Variants in SLC15A5 observed in about 807,000 individuals in gnomAD.
The protein encoded by SLC15A5 is Peptide/histidine transporter ENSP00000340402.
A neutral mutation model predicts 56.1 loss-of-function variants in SLC15A5; 58 were observed. The ratio of observed to expected loss-of-function variants is 1.03; its 90% CI spans 0.84 to 1.29. The LOEUF (loss-of-function observed/expected upper bound fraction) is 1.29. Ranked by LOEUF, SLC15A5 falls within the 50% of genes most tolerant of loss-of-function variation. The pLI is 0.00. For synonymous variants in SLC15A5, 264 were observed against 250.5 expected, an observed-to-expected ratio of 1.05 and a Z score of -0.51; for missense variants, 681 against 672.1, an observed-to-expected ratio of 1.01 and a Z score of -0.15.
At chr12:16,258,981 CTTCTTTTTCTTTTTTTTTTT>C (rs1201745099) in intron 2 of SLC15A5, among the ~76,000 whole-genome samples, 4 of 89,838 alleles carry the variant, frequency 4.5e-5, no homozygotes, top group African/African-American at 1.6e-4. Context: ...TCTGCCACAT[CTTCTTTTTCTTTTTTTTTTT>C]TTCTTTTTCT....
intron 2 of SLC15A5, among the ~76,000 whole-genome samples, chr12:16,268,567 C>T (rs537484825): frequency 2.0e-4 from 31 of 152,202 alleles, no homozygotes; most frequent in African/African-American, 5.8e-4. Flanking sequence ...TATGATTTTA[C>T]GATTGAAGAG....
chr12:16,227,088 A>G (rs1348626105), intron 5 of SLC15A5, among the ~76,000 whole-genome samples: 1 of 152,174 alleles, frequency 6.6e-6, no homozygotes, highest in Non-Finnish European at 1.5e-5. Flanking sequence ...AGGGTCCCCA[A>G]GAAATCAAAG....
At chr12:16,238,495 T>A (rs1236930667) in intron 5 of SLC15A5, among the ~76,000 whole-genome samples, 1 of 151,830 alleles carries the variant, frequency 6.6e-6, no homozygotes, top group Non-Finnish European at 1.5e-5. Context: ...CCAGGCGTGG[T>A]GGTGGGCACT....
rs367796142 is a variant in SLC15A5, at chr12:16,206,416, T to C, written c.1483+10477A>G. Among the ~76,000 whole-genome samples, 59 of 152,362 alleles carry C rather than the reference T, an allele frequency of 3.9e-4. 1 individual carries two copies. The East Asian group carries it at 4.4e-3, about 11-fold the overall frequency. ...CCTGATTTAAATGCTTCATTTGAGATTCATAGCTCTCCTACCTGAGTTAAT... is the reference window on the plus strand; with the variant it reads ...CCTGATTTAAATGCTTCATTTGAGACTCATAGCTCTCCTACCTGAGTTAAT... On this transcript the variant is annotated intron_variant, in intron 7 of 8. Coordinates refer to ENST00000344941, the MANE Select transcript of SLC15A5 (RefSeq NM_001170798.1).
intron 1 of SLC15A5, among the ~76,000 whole-genome samples, chr12:16,275,068 G>A (rs1413564076): frequency 2.0e-5 from 3 of 152,050 alleles, no homozygotes; most frequent in African/African-American, 7.2e-5. Flanking sequence ...GAAATGTTGA[G>A]TCCATCAGAG....
chr12:16,270,403 T>A (rs889614456), intron 2 of SLC15A5, among the ~76,000 whole-genome samples: 4 of 152,140 alleles, frequency 2.6e-5, no homozygotes, highest in Non-Finnish European at 1.5e-5. Context: ...TATTTACCAG[T>A]CTTGTAATTT....
intron 8 of SLC15A5, among the ~76,000 whole-genome samples, chr12:16,190,384 A>T (rs995977687): frequency 1.3e-5 from 2 of 152,156 alleles, no homozygotes; most frequent in African/African-American, 4.8e-5. Flanking sequence ...AGGTTCATAG[A>T]AATAGTAGTT....
intron 2 of SLC15A5, among the ~76,000 whole-genome samples, chr12:16,260,633 T>G (rs902003185): frequency 6.6e-6 from 1 of 152,098 alleles, no homozygotes; most frequent in African/African-American, 2.4e-5. Flanking sequence ...CAATGATATC[T>G]TTTGATAAGA....
chr12:16,239,765 G>C lies in SLC15A5; in HGVS notation c.1078C>G (p.Leu360Val), dbSNP rs769542598. 111 of 1,537,182 alleles carry C rather than the reference G, an allele frequency of 7.2e-5. No homozygotes were observed. The highest frequency in any genetic ancestry group is 8.8e-5 in the Non-Finnish European group (101 of 1,146,908). Residue 360 changes from leucine to valine, a missense_variant, in exon 5 of 9, where the codon CTA becomes GTA. Coordinates refer to ENST00000344941, the MANE Select transcript of SLC15A5 (RefSeq NM_001170798.1). The stretch of plus-strand genomic sequence containing the variant: ...TACTCCAGAAAAGGAGCCAGAATTA[G>C]TAATGGTAGGCTGCTGATGGCATTC... Reference protein sequence around the residue: ...VMNAISSLPLLILAPFLEYFS... With the variant: ...VMNAISSLPLVILAPFLEYFS...
intron 2 of SLC15A5, among the ~76,000 whole-genome samples, chr12:16,259,023 CCTTT>C (rs1864611050): frequency 2.1e-5 from 1 of 48,270 alleles, no homozygotes; most frequent in Non-Finnish European, 3.8e-5. Flanking sequence ...TTCTTTCTTT[CCTTT>C]TTTTTTTTTT....
intron 6 of SLC15A5, among the ~76,000 whole-genome samples, chr12:16,223,238 T>G (rs558555035): frequency 6.6e-6 from 1 of 152,238 alleles, no homozygotes; most frequent in Admixed American, 6.5e-5. Context: ...GAATTGTTAT[T>G]TAGGATGATT....
intron 1 of SLC15A5, among the ~76,000 whole-genome samples, chr12:16,276,467 C>T (rs1230875834): frequency 1.3e-5 from 2 of 151,974 alleles, no homozygotes; most frequent in Non-Finnish European, 2.9e-5. Context: ...CAGCTTTTCA[C>T]TTGTTCTCTC....
At chr12:16,263,152 C>T (rs1050465796) in intron 2 of SLC15A5, among the ~76,000 whole-genome samples, 2 of 152,070 alleles carry the variant, frequency 1.3e-5, no homozygotes, top group Non-Finnish European at 2.9e-5. Context: ...TTTGGAATGC[C>T]CTGGAGACTT....
intron 7 of SLC15A5, among the ~76,000 whole-genome samples, chr12:16,197,629 C>T: frequency 6.6e-6 from 1 of 152,080 alleles, no homozygotes; most frequent in Non-Finnish European, 1.5e-5. Flanking sequence ...AGAGGAGGCA[C>T]TCCACAAACC....
intron 3 of SLC15A5, among the ~76,000 whole-genome samples, chr12:16,251,889 G>A (rs1277106758): frequency 6.6e-6 from 1 of 152,048 alleles, no homozygotes; most frequent in South Asian, 2.1e-4. Flanking sequence ...TAGTTCTGAT[G>A]AATATTGATA....
At chr12:16,214,810 C>T (rs2136245520) in intron 7 of SLC15A5, among the ~76,000 whole-genome samples, 1 of 152,196 alleles carries the variant, frequency 6.6e-6, no homozygotes, top group African/African-American at 2.4e-5. Flanking sequence ...AGCAAATTAT[C>T]ATACCTGAGG....
chr12:16,261,653 T>C (rs1489279908), intron 2 of SLC15A5, among the ~76,000 whole-genome samples: 1 of 152,206 alleles, frequency 6.6e-6, no homozygotes, highest in East Asian at 1.9e-4. Context: ...AAATATCAAA[T>C]AGTTTTTAAG....
intron 7 of SLC15A5, among the ~76,000 whole-genome samples, chr12:16,197,088 A>T (rs1310741545): frequency 2.0e-5 from 3 of 151,726 alleles, no homozygotes; most frequent in Non-Finnish European, 2.9e-5. Context: ...ATTATCTTAA[A>T]AAAAAAAAGA....
chr12:16,258,244 A>G (rs1451017239), intron 2 of SLC15A5, among the ~76,000 whole-genome samples: 5 of 152,186 alleles, frequency 3.3e-5, no homozygotes, highest in Non-Finnish European at 2.9e-5. Flanking sequence ...TAATCATTCA[A>G]ATACCCCTAA....
Sources: gnomAD v4.1 joint callset for allele counts (sites outside exome capture counted in the v4.1 genomes callset) on GRCh38, gnomAD v4.1.1 for gene constraint, MANE v1.5 for transcripts, NCBI Gene and HGNC (gene_info 2026-07-23, HGNC 2026-07-21) for gene names.